Variants in ADAM32 observed in about 807,000 individuals in gnomAD.
The protein encoded by ADAM32 is disintegrin and metalloproteinase domain-containing protein 32.
Under a neutral mutation model 114.9 loss-of-function variants are expected in ADAM32, and 89 were observed. The ratio of observed to expected loss-of-function variants is 0.77; its 90% CI spans 0.65 to 0.92. The LOEUF is 0.92. Ranked by LOEUF, ADAM32 falls within the 40% of genes least tolerant of loss-of-function variation. ADAM32 has a pLI of 0.00. For missense variants in ADAM32, 870 were observed against 932.8 expected, an observed-to-expected ratio of 0.93 and a Z score of 0.88; for synonymous variants, 285 against 307.5, an observed-to-expected ratio of 0.93 and a Z score of 0.77.
At chr8:39,260,327 C>G (rs981460039) in intron 19 of ADAM32, among the ~76,000 whole-genome samples, 12 of 152,042 alleles carry the variant, frequency 7.9e-5, no homozygotes, top group African/African-American at 2.9e-4. Flanking sequence ...TATTTCTTGT[C>G]TAATTCCTGT....
At chr8:39,190,696 A>G (rs942079333) in intron 11 of ADAM32, among the ~76,000 whole-genome samples, 3 of 152,202 alleles carry the variant, frequency 2.0e-5, no homozygotes, top group Non-Finnish European at 4.4e-5. Flanking sequence ...GGCAATTTGT[A>G]TGTCTTCCTT....
chr8:39,144,383 G>A (rs1803368605), intron 3 of ADAM32, among the ~76,000 whole-genome samples: 1 of 152,192 alleles, frequency 6.6e-6, no homozygotes. Context: ...CTGTTTTTGA[G>A]AAATGCTGAT....
At chr8:39,129,062 G>T (rs1802280415) in intron 2 of ADAM32, among the ~76,000 whole-genome samples, 1 of 148,284 alleles carries the variant, frequency 6.7e-6, no homozygotes, top group Non-Finnish European at 1.5e-5. Context: ...ATTGATTTTT[G>T]TTTATTAATC....
intron 16 of ADAM32, among the ~76,000 whole-genome samples, chr8:39,243,201 A>T (rs1243063787): frequency 6.6e-6 from 1 of 152,230 alleles, no homozygotes; most frequent in Non-Finnish European, 1.5e-5. Context: ...ATTCTGTCAG[A>T]GATTAATAAA....
At chr8:39,270,989 C>T in intron 20 of ADAM32, 75 bp downstream of exon 20, 2 of 1,430,108 alleles carry the variant, frequency 1.4e-6, no homozygotes, top group South Asian at 2.5e-5. Flanking sequence ...AATTTATTTC[C>T]AATTTTTTTT....
At chr8:39,250,997 G>A (rs1433975430) in intron 17 of ADAM32, among the ~76,000 whole-genome samples, 3 of 151,894 alleles carry the variant, frequency 2.0e-5, no homozygotes. Flanking sequence ...TGCTATGAGT[G>A]ATGGGATTTC....
intron 11 of ADAM32, among the ~76,000 whole-genome samples, chr8:39,203,384 T>C (rs1480345972): frequency 6.6e-6 from 1 of 152,234 alleles, no homozygotes; most frequent in East Asian, 1.9e-4. Context: ...TACCATTATG[T>C]AATGGCCTTC....
chr8:39,208,565 G>A lies in ADAM32; in HGVS notation c.1053-2579G>A, dbSNP rs749265446. On this transcript the variant is annotated intron_variant, in intron 11 of 24. Coordinates refer to ENST00000379907, the MANE Select transcript of ADAM32 (RefSeq NM_145004.7). ...CTGTCAGACTGAAAAACTTCTTTTA[G>A]CATTTCTTATGGTTTGGTGGTGATG... Among the ~76,000 whole-genome samples the A allele has an allele frequency of 1.1e-4, 17 of 152,044 alleles. No individual in the cohort carries two copies. The South Asian group carries it at 2.9e-3, about 26-fold the overall frequency.
chr8:39,180,215 G>T (rs112298972), intron 10 of ADAM32, among the ~76,000 whole-genome samples: 1 of 152,228 alleles, frequency 6.6e-6, no homozygotes, highest in East Asian at 1.9e-4. Flanking sequence ...CGGAGCAGCG[G>T]GCCGGCCCTG....
In ADAM32 at chr8:39,147,225, T is replaced by C; in HGVS notation, c.276+20T>C. ...ATTCAGGTAAGATTTAAATTCTGTG[T>C]TTTATAGTTTTTTTTAAATTTTTTT... On this transcript the variant is annotated intron_variant, in intron 4 of 24. Coordinates refer to ENST00000379907, the MANE Select transcript of ADAM32 (RefSeq NM_145004.7). 1 of 961,282 alleles carries C rather than the reference T, an allele frequency of 1.0e-6. No homozygotes were observed. Among genetic ancestry groups the C allele is most frequent in the Non-Finnish European group, 1.4e-6 (1 of 732,394 alleles). The allele number at this position is 961,282 out of a possible 1,614,324, so 59.5% of individuals were successfully genotyped here.
chr8:39,140,403 T>C (rs935790598), intron 3 of ADAM32, among the ~76,000 whole-genome samples: 1 of 152,230 alleles, frequency 6.6e-6, no homozygotes, highest in African/African-American at 2.4e-5. Context: ...TCTGCATCTA[T>C]TGAGATCATC....
chr8:39,269,890 G>A (rs916965730), intron 19 of ADAM32, among the ~76,000 whole-genome samples: 2 of 152,216 alleles, frequency 1.3e-5, no homozygotes, highest in Non-Finnish European at 2.9e-5. Context: ...GCATGGCTGG[G>A]AAGGCCTCAG....
At position 39,164,771 on chromosome 8, in the gene ADAM32, A is replaced by C. The variant is rs1436716529; in HGVS notation, c.602A>C (p.Tyr201Ser). The change falls in exon 8 of 25, where the codon TAC becomes TCC. Residue 201 changes from tyrosine to serine, a missense_variant. By Grantham distance (144) the Tyr-to-Ser change is moderately radical. Transcript: ENST00000379907. The stretch of plus-strand genomic sequence containing the variant: ...ATTAATTCTGTTTTTCAGTATGATT[A>C]CTGGGGCTCTGATAGCATGATAGTA... ...HIVVDKTLYD[Y>S]WGSDSMIVTN... 6.3e-7 allele frequency: 1 copy of C among 1,594,980 alleles called. No homozygotes were observed. The highest frequency in any genetic ancestry group is 8.5e-7 in the Non-Finnish European group (1 of 1,170,006).
At chr8:39,246,957 T>C (rs1585636194) in intron 17 of ADAM32, among the ~76,000 whole-genome samples, 1 of 152,320 alleles carries the variant, frequency 6.6e-6, no homozygotes, top group Non-Finnish European at 1.5e-5. Context: ...ATATAGTATG[T>C]AGCCTTTTCA....
intron 19 of ADAM32, among the ~76,000 whole-genome samples, chr8:39,258,606 T>C (rs1453744769): frequency 6.6e-6 from 1 of 152,196 alleles, no homozygotes; most frequent in African/African-American, 2.4e-5. Flanking sequence ...GTGGTTCTCT[T>C]AAATGTTGGA....
intron 19 of ADAM32, among the ~76,000 whole-genome samples, chr8:39,268,434 A>G (rs1295273505): frequency 1.3e-5 from 2 of 151,982 alleles, no homozygotes; most frequent in Non-Finnish European, 2.9e-5. Context: ...TTTTTATCAT[A>G]TTTTTCAAAT....
chr8:39,277,481 A>G (rs1254669865), intron 22 of ADAM32, among the ~76,000 whole-genome samples: 1 of 152,238 alleles, frequency 6.6e-6, no homozygotes, highest in Non-Finnish European at 1.5e-5. Flanking sequence ...GAGAGATGGA[A>G]TGAATTCCAG....
At chr8:39,141,260 T>C (rs1803135813) in intron 3 of ADAM32, among the ~76,000 whole-genome samples, 1 of 152,214 alleles carries the variant, frequency 6.6e-6, no homozygotes, top group Non-Finnish European at 1.5e-5. Flanking sequence ...CTTGCTTCTC[T>C]AGTTCTTTCA....
intron 16 of ADAM32, among the ~76,000 whole-genome samples, chr8:39,242,370 C>A (rs541157972): frequency 1.3e-4 from 20 of 152,194 alleles, no homozygotes; most frequent in Non-Finnish European, 2.9e-4. Flanking sequence ...TCTACTGGTA[C>A]CAATTTACTG....
Sources: allele counts gnomAD v4.1 joint callset (sites outside exome capture counted in the v4.1 genomes callset), GRCh38; gene constraint gnomAD v4.1.1; transcripts MANE v1.5; gene names NCBI Gene and HGNC (gene_info 2026-07-23, HGNC 2026-07-21).